The following NECAB1 variants were observed in gnomAD, a reference collection of about 807,000 sequenced individuals.
NECAB1 encodes N-terminal EF-hand calcium binding protein 1, also known as N-terminal EF-hand calcium-binding protein 1.
A neutral mutation model predicts 57.5 loss-of-function variants in NECAB1; 29 were observed. The ratio of observed to expected loss-of-function variants is 0.50; its 90% CI spans 0.38 to 0.69. NECAB1 has a LOEUF of 0.69. NECAB1 is among the 30% of genes least tolerant of loss of function. The pLI is 0.00. For synonymous variants in NECAB1, 142 were observed against 147.7 expected (o/e 0.96, Z 0.28); for missense variants, 372 against 413.8 (o/e 0.90, Z 0.88).
At chr8:90,841,929 A>G (rs1051585305) in intron 3 of NECAB1, among the ~76,000 whole-genome samples, 2 of 152,182 alleles carry the variant, frequency 1.3e-5, no homozygotes, top group Non-Finnish European at 2.9e-5. Context: ...GCAAACTAAC[A>G]CAGGAACAGA....
chr8:90,802,689 AC>A (rs1811779588), intron 2 of NECAB1, among the ~76,000 whole-genome samples: 1 of 152,120 alleles, frequency 6.6e-6, no homozygotes, highest in South Asian at 2.1e-4. Context: ...GACAAGACAC[AC>A]CTTTCTACAC....
intron 5 of NECAB1, among the ~76,000 whole-genome samples, chr8:90,910,198 A>T (rs1809794630): frequency 6.8e-6 from 1 of 147,962 alleles, no homozygotes. Flanking sequence ...GTTTTTGTTC[A>T]TTTCTTGAAA....
chr8:90,881,448 C>T (rs1003260439), intron 5 of NECAB1, among the ~76,000 whole-genome samples: 1 of 152,114 alleles, frequency 6.6e-6, no homozygotes, highest in Non-Finnish European at 1.5e-5. Context: ...ATTGTAATCC[C>T]CAGTGCTGGA....
At chr8:90,816,373 T>G (rs1444819984) in intron 2 of NECAB1, among the ~76,000 whole-genome samples, 1 of 151,886 alleles carries the variant, frequency 6.6e-6, no homozygotes, top group Non-Finnish European at 1.5e-5. Context: ...GAAGTCCAAT[T>G]TATTAATTTT....
chr8:90,917,101 G>C (rs1484179606), intron 5 of NECAB1, among the ~76,000 whole-genome samples: 1 of 152,172 alleles, frequency 6.6e-6, no homozygotes, highest in Non-Finnish European at 1.5e-5. Flanking sequence ...GAAAATATAT[G>C]ATGGCGTGGT....
intron 5 of NECAB1, among the ~76,000 whole-genome samples, chr8:90,894,299 T>A (rs919778984): frequency 6.6e-6 from 1 of 152,204 alleles, no homozygotes; most frequent in African/African-American, 2.4e-5. Flanking sequence ...TTTCACTTCC[T>A]TGTTAATTCT....
At chr8:90,884,354 A>G (rs1044562449) in intron 5 of NECAB1, among the ~76,000 whole-genome samples, 1 of 152,240 alleles carries the variant, frequency 6.6e-6, no homozygotes, top group African/African-American at 2.4e-5. Context: ...TATGTTGAGC[A>G]TCTGGGCCTC....
intron 1 of NECAB1, among the ~76,000 whole-genome samples, chr8:90,796,373 C>T (rs1811661174): frequency 6.6e-6 from 1 of 152,196 alleles, no homozygotes; most frequent in Non-Finnish European, 1.5e-5. Context: ...ATTCTAGTTT[C>T]TCAGGAATCT....
At chr8:90,947,307 C>T (rs2879409) in intron 10 of NECAB1, among the ~76,000 whole-genome samples, 3,044 of 116,644 alleles carry the variant, frequency 0.026, 172 homozygotes, top group African/African-American at 0.093. Flanking sequence ...AACACATACA[C>T]ACACACACAC....
Position 90,957,824 on chromosome 8 carries a change from G to A in NECAB1, c.*2312G>A, listed in dbSNP as rs1811059686. 1 of 147,528 alleles carries A rather than the reference G, an allele frequency of 6.8e-6. No individual in the cohort carries two copies. The highest frequency in any genetic ancestry group is 2.5e-5 in the African/African-American group (1 of 40,220). 9.1% of individuals were successfully genotyped at this position (147,528 alleles called of 1,614,324 possible). ...CCCCATTTTCCTAAAGAACAAAGTAGTAAAATAAAAAAAAATTTAAAAAAT... is the reference window on the plus strand; with the variant it reads ...CCCCATTTTCCTAAAGAACAAAGTAATAAAATAAAAAAAAATTTAAAAAAT... On this transcript the variant is annotated 3_prime_UTR_variant, in exon 13 of 13. Coordinates refer to ENST00000417640, the MANE Select transcript of NECAB1 (RefSeq NM_022351.5).
intron 3 of NECAB1, among the ~76,000 whole-genome samples, chr8:90,869,606 G>A (rs550845607): frequency 2.3e-4 from 35 of 152,184 alleles, no homozygotes; most frequent in Non-Finnish European, 4.7e-4. Context: ...TCAAACTTGC[G>A]TGGGACCTGT....
intron 7 of NECAB1, among the ~76,000 whole-genome samples, chr8:90,927,976 T>C (rs2130179612): frequency 6.8e-6 from 1 of 146,756 alleles, no homozygotes; most frequent in Non-Finnish European, 1.5e-5. Flanking sequence ...CAGGATCTTT[T>C]CTTTGAATAT....
intron 3 of NECAB1, among the ~76,000 whole-genome samples, chr8:90,869,560 G>A (rs989980335): frequency 1.3e-5 from 2 of 152,158 alleles, no homozygotes; most frequent in African/African-American, 4.8e-5. Context: ...GAGATTATTT[G>A]GGAGCTTTAA....
intron 2 of NECAB1, among the ~76,000 whole-genome samples, chr8:90,821,669 C>T (rs1290319515): frequency 2.0e-5 from 3 of 149,172 alleles, no homozygotes; most frequent in South Asian, 2.1e-4. Flanking sequence ...TATAGCTAGA[C>T]TTTTTTTTTT....
chr8:90,952,422 G>T (rs1440796594), intron 12 of NECAB1, among the ~76,000 whole-genome samples: 2 of 152,104 alleles, frequency 1.3e-5, no homozygotes, highest in South Asian at 4.2e-4. Flanking sequence ...AACCAAAAGA[G>T]TAAAATGCAA....
intron 5 of NECAB1, among the ~76,000 whole-genome samples, chr8:90,884,836 C>A (rs1388874674): frequency 6.6e-6 from 1 of 151,968 alleles, no homozygotes; most frequent in East Asian, 1.9e-4. Context: ...CTTGAGGTTG[C>A]AAGTTTGGTT....
intron 5 of NECAB1, among the ~76,000 whole-genome samples, chr8:90,906,495 C>T (rs1354870543): frequency 2.0e-5 from 3 of 152,060 alleles, no homozygotes; most frequent in Non-Finnish European, 4.4e-5. Flanking sequence ...TTAAGAGTCT[C>T]CAGTTAAAGA....
At chr8:90,871,516 G>A (rs1001470230) in intron 3 of NECAB1, among the ~76,000 whole-genome samples, 4 of 152,072 alleles carry the variant, frequency 2.6e-5, no homozygotes, top group African/African-American at 4.8e-5. Context: ...TATTGTTGAT[G>A]AGTAATTTGA....
intron 2 of NECAB1, among the ~76,000 whole-genome samples, chr8:90,803,081 G>C (rs1423051067): frequency 6.6e-6 from 1 of 152,074 alleles, no homozygotes; most frequent in African/African-American, 2.4e-5. Flanking sequence ...ATTTTTAGTA[G>C]TGACAGTGTT....
Sources: allele counts gnomAD v4.1 joint callset (sites outside exome capture counted in the v4.1 genomes callset), GRCh38; gene constraint gnomAD v4.1.1; transcripts MANE v1.5; gene names NCBI Gene and HGNC (gene_info 2026-07-23, HGNC 2026-07-21).